Variants in OR10AG1 observed in about 807,000 individuals in gnomAD.
OR10AG1 encodes the protein olfactory receptor family 10 subfamily AG member 1, also known as olfactory receptor 10AG1.
For missense variants in OR10AG1, 433 were observed against 376.5 expected, an observed-to-expected ratio of 1.15 and a Z score of -1.24; for synonymous variants, 147 against 128.6, an observed-to-expected ratio of 1.14 and a Z score of -0.97.
chr11:55,967,836 C>T lies in OR10AG1; in HGVS notation c.688G>A (p.Gly230Ser). ...TTCAAAATGTTGGAGATAATTTTGC[C>T]ATAAGAGACAACAATCAACAGAAAT... ...VPFLLIVVSY[G>S]KIISNILKLS... The change falls in exon 2 of 2, where the codon GGC becomes AGC. Residue 230 changes from glycine to serine, a missense_variant. By Grantham distance (56) the Gly-to-Ser change is moderately conservative (BLOSUM62 0). Transcript: ENST00000641071. 6.2e-7 allele frequency: 1 copy of T among 1,614,048 alleles called. No individual in the cohort carries two copies. The highest frequency in any genetic ancestry group is 8.5e-7 in the Non-Finnish European group (1 of 1,179,978).
intron 1 of OR10AG1, among the ~76,000 whole-genome samples, chr11:55,969,390 T>TAAACA (rs1360633741): frequency 3.3e-5 from 5 of 152,062 alleles, no homozygotes; most frequent in Non-Finnish European, 5.9e-5. Context: ...ACCAAAAAAT[T>TAAACA]AAACAAAACA....
In OR10AG1 at chr11:55,965,886, C is replaced by A. The variant is rs1219291960; in HGVS notation, c.*1672G>T. 2 of 152,030 alleles carry A rather than the reference C, an allele frequency of 1.3e-5. No homozygotes were observed. Among genetic ancestry groups the A allele is most frequent in the Admixed American group, 6.6e-5 (1 of 15,264 alleles). The allele number at this position is 152,030 out of a possible 1,614,324, so 9.4% of individuals were successfully genotyped here. ...CTGATGCATATCCTCCTAGACACTG[C>A]TAATATGCAAACATCCCATTCCTAA... On this transcript the variant is annotated 3_prime_UTR_variant, in exon 2 of 2. Coordinates refer to ENST00000641071, the MANE Select transcript of OR10AG1 (RefSeq NM_001005491.2).
Position 55,968,179 on chromosome 11 carries a change from A to G in OR10AG1, c.345T>C (p.Phe115=). 6.2e-7 allele frequency: 1 copy of G among 1,612,590 alleles called. No homozygotes were observed. Among genetic ancestry groups the G allele is most frequent in the Non-Finnish European group, 8.5e-7 (1 of 1,179,938 alleles). Residue 115 remains phenylalanine, a synonymous_variant, in exon 2 of 2, where the codon TTT becomes TTC. Coordinates refer to ENST00000641071, the MANE Select transcript of OR10AG1 (RefSeq NM_001005491.2). ...LFACATQMCF[F]LMLGGTECLL... Reference sequence around the variant, plus strand: ...GACACTCCGTGCCTCCAAGCATAAGAAAAAAACACATTTGTGTAGCACAAG... The same window carrying G: ...GACACTCCGTGCCTCCAAGCATAAGGAAAAAACACATTTGTGTAGCACAAG...
Position 55,965,765 on chromosome 11 carries a change from A to C in OR10AG1, c.*1793T>G, listed in dbSNP as rs886410260. 5 of 152,180 alleles carry C rather than the reference A, an allele frequency of 3.3e-5. No individual in the cohort carries two copies. The highest frequency in any genetic ancestry group is 3.4e-3 in the Middle Eastern group (1 of 294). 9.4% of individuals were successfully genotyped at this position (152,180 alleles called of 1,614,324 possible). On this transcript the variant is annotated 3_prime_UTR_variant, in exon 2 of 2. Transcript: ENST00000641071. ...ATATTATTTCTTGTGATCTAACTTT[A>C]TATTCCCCATGTAGTAAATATAAAT...
Position 55,967,025 on chromosome 11 carries a change from A to T in OR10AG1, c.*533T>A, listed in dbSNP as rs1395656055. 1 of 152,364 alleles carries T rather than the reference A, an allele frequency of 6.6e-6. No homozygotes were observed. Among genetic ancestry groups the T allele is most frequent in the Non-Finnish European group, 1.5e-5 (1 of 68,208 alleles). 9.4% of individuals were successfully genotyped at this position (152,364 alleles called of 1,614,324 possible). ...TATCAGAGACGAGTAAGATGTAGGC[A>T]GTTAGAGGAATAAACATTCTCAGGA... On this transcript the variant is annotated 3_prime_UTR_variant, in exon 2 of 2. Transcript: ENST00000641071.
In OR10AG1 at chr11:55,967,554, C is replaced by A. The variant is rs1044942608; in HGVS notation, c.*4G>T. 20 of 1,536,452 alleles carry A rather than the reference C, an allele frequency of 1.3e-5. No homozygotes were observed. Among genetic ancestry groups the A allele is most frequent in the Non-Finnish European group, 1.8e-5 (20 of 1,130,374 alleles). On this transcript the variant is annotated 3_prime_UTR_variant, in exon 2 of 2. Coordinates refer to ENST00000641071, the MANE Select transcript of OR10AG1 (RefSeq NM_001005491.2). ...AATTATTTCTGTAATTTCAAGTCTT[C>A]ATCTCATGTTAATAACTTAGCTAGT...
chr11:55,966,214 A>G lies in OR10AG1; in HGVS notation c.*1344T>C, dbSNP rs1238632718. 1 of 151,106 alleles carries G rather than the reference A, an allele frequency of 6.6e-6. No homozygotes were observed. The highest frequency in any genetic ancestry group is 1.5e-5 in the Non-Finnish European group (1 of 67,834). The allele number at this position is 151,106 out of a possible 1,614,324, so 9.4% of individuals were successfully genotyped here. A position where few individuals can be genotyped will look rare whatever the true frequency, so the allele number is the denominator to read the frequency against. On this transcript the variant is annotated 3_prime_UTR_variant, in exon 2 of 2. Transcript: ENST00000641071. ...AAACACGTTTGTAATAACTATTGAA[A>G]ATATATTACCTCTACAAGATCAAAT...
rs1341547783 is a variant in OR10AG1, at chr11:55,967,838, TAA to T, written c.684_685del (p.Tyr229TrpfsTer18). On this transcript the variant is annotated frameshift_variant, in exon 2 of 2. Transcript: ENST00000641071. LOFTEE classifies it low-confidence loss of function (END_TRUNC). ...CAAAATGTTGGAGATAATTTTGCCA[TAA>T]GAGACAACAATCAACAGAAATGGCA... The T allele has an allele frequency of 6.2e-7, 1 of 1,614,088 alleles. No individual in the cohort carries two copies. The highest frequency in any genetic ancestry group is 8.5e-7 in the Non-Finnish European group (1 of 1,180,004).
In OR10AG1 at chr11:55,968,197, A is replaced by G; in HGVS notation, c.327T>C (p.Ala109=). 6.2e-7 allele frequency: 1 copy of G among 1,614,108 alleles called. No individual in the cohort carries two copies. The highest frequency in any genetic ancestry group is 1.3e-5 in the African/African-American group (1 of 74,996). The change falls in exon 2 of 2, where the codon GCT becomes GCC. Residue 109 remains alanine (A), a synonymous_variant. Coordinates refer to ENST00000641071, the MANE Select transcript of OR10AG1 (RefSeq NM_001005491.2). The stretch of plus-strand genomic sequence containing the variant: ...GCATAAGAAAAAAACACATTTGTGT[A>G]GCACAAGCAAACAAAGAAATATTTC... ...QKGNISLFAC[A]TQMCFFLMLG...
chr11:55,968,092 A>G lies in OR10AG1; in HGVS notation c.432T>C (p.Pro144=). 25 of 1,614,050 alleles carry G rather than the reference A, an allele frequency of 1.5e-5. No individual in the cohort carries two copies. Among genetic ancestry groups the G allele is most frequent in the Non-Finnish European group, 2.0e-5 (24 of 1,179,970 alleles). The change falls in exon 2 of 2, where the codon CCT becomes CCC. Residue 144 remains proline (P), a synonymous_variant. Coordinates refer to ENST00000641071, the MANE Select transcript of OR10AG1 (RefSeq NM_001005491.2). ...YVAICKPLQY[P]LVMNHKVCIQ... is the part of the protein sequence containing the mutation. ...TGCAGACTTTGTGGTTCATCACTAG[A>G]GGATACTGCAAAGGCTTACAAATAG...
In OR10AG1 at chr11:55,968,176, A is replaced by G. The variant is rs753237574; in HGVS notation, c.348T>C (p.Leu116=). The change falls in exon 2 of 2, where the codon CTT becomes CTC. Residue 116 remains leucine, a synonymous_variant. Transcript: ENST00000641071. ...FACATQMCFF[L]MLGGTECLLL... Reference sequence around the variant, plus strand: ...GGAGACACTCCGTGCCTCCAAGCATAAGAAAAAAACACATTTGTGTAGCAC... The same window carrying G: ...GGAGACACTCCGTGCCTCCAAGCATGAGAAAAAAACACATTTGTGTAGCAC... 6 of 1,613,992 alleles carry G rather than the reference A, an allele frequency of 3.7e-6. No homozygotes were observed. In the East Asian group the frequency reaches 1.1e-4, roughly 30 times the overall value.
At chr11:55,968,627 C>A (rs1852715761) in intron 1 of OR10AG1, 120 bp from the exon 2 acceptor site, 1 of 521,924 alleles carries the variant, frequency 1.9e-6, no homozygotes, top group East Asian at 3.0e-5. Context: ...TCATTTTCAC[C>A]AGTACTTGCT....
Position 55,965,883 on chromosome 11 carries a change from C to T in OR10AG1, c.*1675G>A, listed in dbSNP as rs1852683589. On this transcript the variant is annotated 3_prime_UTR_variant, in exon 2 of 2. Coordinates refer to ENST00000641071, the MANE Select transcript of OR10AG1 (RefSeq NM_001005491.2). Reference sequence around the variant, plus strand: ...CTTCTGATGCATATCCTCCTAGACACTGCTAATATGCAAACATCCCATTCC... The same window carrying T: ...CTTCTGATGCATATCCTCCTAGACATTGCTAATATGCAAACATCCCATTCC... The T allele has an allele frequency of 6.6e-6, 1 of 152,088 alleles. No homozygotes were observed. Among genetic ancestry groups the T allele is most frequent in the Non-Finnish European group, 1.5e-5 (1 of 68,004 alleles). 9.4% of individuals were successfully genotyped at this position (152,088 alleles called of 1,614,324 possible). A position where few individuals can be genotyped will look rare whatever the true frequency, so the allele number is the denominator to read the frequency against.
chr11:55,967,619 G>A lies in OR10AG1; in HGVS notation c.905C>T (p.Thr302Ile), dbSNP rs1311534125. Residue 302 changes from threonine to isoleucine, a missense_variant, in exon 2 of 2, where the codon ACC becomes ATC. Coordinates refer to ENST00000641071, the MANE Select transcript of OR10AG1 (RefSeq NM_001005491.2). ...LIPTLNPIIY[T>I]LRNKDIMVAL... ...CACCATGATATCTTTGTTCCTCAGG[G>A]TATATATAATAGGATTCAAAGTTGG... The A allele has an allele frequency of 7.5e-6, 12 of 1,610,020 alleles. No homozygotes were observed. The East Asian group carries it at 2.7e-4, about 36-fold the overall frequency.
At chr11:55,969,834 T>C (rs1294799380) in intron 1 of OR10AG1, 58 bp downstream of exon 1, 1 of 398,122 alleles carries the variant, frequency 2.5e-6, no homozygotes, top group African/African-American at 2.1e-5. Context: ...TGCATTTCTA[T>C]CCACAAACTT....
rs1266599594 is a variant in OR10AG1, at chr11:55,966,630, GA to G, written c.*927del. Reference sequence around the variant, plus strand: ...ATTCCTTGCCCCTTTTTGTTTTGGTGAATCTTGACCATCTTTGGTTTGTGGT... The same window carrying G: ...ATTCCTTGCCCCTTTTTGTTTTGGTGATCTTGACCATCTTTGGTTTGTGGT... On this transcript the variant is annotated 3_prime_UTR_variant, in exon 2 of 2. Transcript: ENST00000641071. 6.6e-6 allele frequency: 1 copy of G among 151,964 alleles called. No individual in the cohort carries two copies. Among genetic ancestry groups the G allele is most frequent in the Non-Finnish European group, 1.5e-5 (1 of 68,008 alleles). 9.4% of individuals were successfully genotyped at this position (151,964 alleles called of 1,614,324 possible).
chr11:55,966,503 C>CT lies in OR10AG1; in HGVS notation c.*1054dup, dbSNP rs1852690036. Reference sequence around the variant, plus strand: ...TAACAACTTACTGCAAATTGGGTGGCTTAAGGCAATAGCAGATTAGTCACT... The same window carrying CT: ...TAACAACTTACTGCAAATTGGGTGGCTTTAAGGCAATAGCAGATTAGTCACT... On this transcript the variant is annotated 3_prime_UTR_variant, in exon 2 of 2. Transcript: ENST00000641071. 2 of 151,976 alleles carry CT rather than the reference C, an allele frequency of 1.3e-5. No individual in the cohort carries two copies. Among genetic ancestry groups the CT allele is most frequent in the Non-Finnish European group, 2.9e-5 (2 of 68,012 alleles). The allele number at this position is 151,976 out of a possible 1,614,324, so 9.4% of individuals were successfully genotyped here.
chr11:55,967,816 A>G lies in OR10AG1; in HGVS notation c.708T>C (p.Ile236=). The G allele has an allele frequency of 1.2e-6, 2 of 1,614,058 alleles. No homozygotes were observed. Among genetic ancestry groups the G allele is most frequent in the Non-Finnish European group, 1.7e-6 (2 of 1,179,972 alleles). The change falls in exon 2 of 2, where the codon ATT becomes ATC. Residue 236 remains isoleucine, a synonymous_variant. Transcript: ENST00000641071. ...VVSYGKIISN[I]LKLSSARGKA... is the part of the protein sequence containing the mutation. Reference sequence around the variant, plus strand: ...TTCCTCTGGCTGATGACAATTTCAAAATGTTGGAGATAATTTTGCCATAAG... The same window carrying G: ...TTCCTCTGGCTGATGACAATTTCAAGATGTTGGAGATAATTTTGCCATAAG...
chr11:55,967,009 C>A lies in OR10AG1; in HGVS notation c.*549G>T, dbSNP rs61895258. ...AGGAAAGAAAATATGTTATCAGAGA[C>A]GAGTAAGATGTAGGCAGTTAGAGGA... On this transcript the variant is annotated 3_prime_UTR_variant, in exon 2 of 2. Transcript: ENST00000641071. 0.06 allele frequency: 9,159 copies of A among 152,056 alleles called. 381 individuals carry two copies. Among genetic ancestry groups the A allele is most frequent in the Non-Finnish European group, 0.084 (5,734 of 68,040 alleles). 9.4% of individuals were successfully genotyped at this position (152,056 alleles called of 1,614,324 possible). A position where few individuals can be genotyped will look rare whatever the true frequency, so the allele number is the denominator to read the frequency against.
Sources: allele counts gnomAD v4.1 joint callset (sites outside exome capture counted in the v4.1 genomes callset), GRCh38; gene constraint gnomAD v4.1.1; transcripts MANE v1.5; gene names NCBI Gene and HGNC (gene_info 2026-07-23, HGNC 2026-07-21).